SDK2: variants seen among roughly 807,000 people sequenced by gnomAD.
The protein encoded by SDK2 is sidekick cell adhesion molecule 2.
SDK2 carries 105 observed loss-of-function variants against 253.9 expected under a neutral mutation model. That is an observed-to-expected ratio of 0.41 (90% CI 0.35 to 0.49). SDK2 has a LOEUF of 0.49. Ranked by LOEUF, SDK2 falls within the 20% of genes least tolerant of loss-of-function variation. The pLI is 0.06. For synonymous variants in SDK2, 1,249 were observed against 1,234.9 expected (o/e 1.01, Z -0.24); for missense variants, 2,608 against 3,003.0 (o/e 0.87, Z 3.07).
chr17:73,376,094 G>A (rs890959999), intron 36 of SDK2, among the ~76,000 whole-genome samples: 3 of 150,504 alleles, frequency 2.0e-5, no homozygotes, highest in South Asian at 2.1e-4. Flanking sequence ...CTTGGGAGGC[G>A]GAGGAAGGAG....
chr17:73,482,405 G>C (rs1416372703), intron 2 of SDK2, among the ~76,000 whole-genome samples: 1 of 152,256 alleles, frequency 6.6e-6, no homozygotes, highest in African/African-American at 2.4e-5. Context: ...ACAAGCACCT[G>C]CTGCTGGGCG....
chr17:73,432,776 G>GTT (rs2063336894), intron 10 of SDK2, among the ~76,000 whole-genome samples: 1 of 150,142 alleles, frequency 6.7e-6, no homozygotes. Context: ...ACGTGTGTGT[G>GTT]CACATGTGTA....
chr17:73,509,154 A>G (rs892597563), intron 1 of SDK2, among the ~76,000 whole-genome samples: 1 of 151,890 alleles, frequency 6.6e-6, no homozygotes, highest in African/African-American at 2.4e-5. Context: ...GTCTACGTTC[A>G]CTCCACCGCT....
chr17:73,599,259 C>T (rs900006235), intron 1 of SDK2, among the ~76,000 whole-genome samples: 5 of 152,102 alleles, frequency 3.3e-5, no homozygotes, highest in South Asian at 2.1e-4. Context: ...GTGCTGGGCA[C>T]GGTGGCTCAC....
chr17:73,494,364 A>G (rs1025143568), intron 2 of SDK2, among the ~76,000 whole-genome samples: 3 of 151,764 alleles, frequency 2.0e-5, no homozygotes, highest in African/African-American at 7.3e-5. Flanking sequence ...ACTCTCTCAT[A>G]GCTCCTAGTT....
At position 73,372,172 on chromosome 17, in the gene SDK2, G is replaced by T. The variant is rs576431413; in HGVS notation, c.4981-3579C>A. ...CCAGGCACTCCGGCAGGTGCATCTT[G>T]TTTGTGAGCGCTGCATTCTGCGGAC... On this transcript the variant is annotated intron_variant, in intron 36 of 44. Transcript: ENST00000392650. 3.3e-5 allele frequency among the ~76,000 whole-genome samples: 5 copies of T among 152,294 alleles called. No individual in the cohort carries two copies. The South Asian group carries it at 8.3e-4, about 25-fold the overall frequency.
chr17:73,574,963 A>G (rs1328116939), intron 1 of SDK2, among the ~76,000 whole-genome samples: 5 of 152,214 alleles, frequency 3.3e-5, no homozygotes, highest in Non-Finnish European at 5.9e-5. Flanking sequence ...GACTTAGGGA[A>G]GCCATCTGTC....
chr17:73,372,974 C>T (rs553255663), intron 36 of SDK2, among the ~76,000 whole-genome samples: 14 of 152,264 alleles, frequency 9.2e-5, no homozygotes, highest in African/African-American at 3.1e-4. Context: ...AGATCTAGAT[C>T]GTATTCAGCC....
intron 1 of SDK2, among the ~76,000 whole-genome samples, chr17:73,562,666 C>A (rs1232993707): frequency 6.6e-6 from 1 of 151,864 alleles, no homozygotes; most frequent in East Asian, 1.9e-4. Flanking sequence ...GAGGATGAGA[C>A]CTGGGGCTGG....
chr17:73,406,321 G>A lies in SDK2; in HGVS notation c.2485-4180C>T, dbSNP rs190041190. 1.6e-3 allele frequency among the ~76,000 whole-genome samples: 234 copies of A among 149,550 alleles called. 1 individual carries two copies. The highest frequency in any genetic ancestry group is 5.7e-3 in the African/African-American group (231 of 40,688). On this transcript the variant is annotated intron_variant, in intron 18 of 44. Transcript: ENST00000392650. ...TGCAGTGGCGAGATCTCCGCTCACT[G>A]CAATCTCTGCCTCCCCAGTTCAAAC...
chr17:73,382,814 C>T (rs976822927), intron 33 of SDK2, among the ~76,000 whole-genome samples: 3 of 152,176 alleles, frequency 2.0e-5, no homozygotes, highest in Non-Finnish European at 4.4e-5. Context: ...GCAGCCTGGC[C>T]GACATGGTGA....
At chr17:73,466,024 A>G (rs2063594464) in intron 3 of SDK2, among the ~76,000 whole-genome samples, 1 of 152,206 alleles carries the variant, frequency 6.6e-6, no homozygotes, top group African/African-American at 2.4e-5. Flanking sequence ...AGACTGGGGT[A>G]GGGAGAGGGG....
chr17:73,508,808 C>T (rs8071556), intron 1 of SDK2, among the ~76,000 whole-genome samples: 3 of 152,030 alleles, frequency 2.0e-5, no homozygotes, highest in East Asian at 1.9e-4. Flanking sequence ...AGCCAAAACC[C>T]GGGTGGGAGG....
rs1253446620 is a variant in SDK2 at position 73,483,277 on chromosome 17, C to T, written c.225-11059G>A. ...GATGGGAGGAGAGTGGGGCGACCCGCGGACAACTCTGCACCGACACAAGAC... is the reference window on the plus strand; with the variant it reads ...GATGGGAGGAGAGTGGGGCGACCCGTGGACAACTCTGCACCGACACAAGAC... On this transcript the variant is annotated intron_variant, in intron 2 of 44. Coordinates refer to ENST00000392650, the MANE Select transcript of SDK2 (RefSeq NM_001144952.2). Among the ~76,000 whole-genome samples, 5 of 147,876 alleles carry T rather than the reference C, an allele frequency of 3.4e-5. 1 individual carries two copies. In the South Asian group the frequency reaches 6.5e-4, roughly 19 times the overall value.
At position 73,643,395 on chromosome 17, in the gene SDK2, C is replaced by T. The variant is rs1158942285; in HGVS notation, c.64+630G>A. Among the ~76,000 whole-genome samples the T allele has an allele frequency of 6.6e-6, 1 of 152,126 alleles. No individual in the cohort carries two copies. Among genetic ancestry groups the T allele is most frequent in the Non-Finnish European group, 1.5e-5 (1 of 68,008 alleles). ...GCCTCAGACCCTCCCTGTGCACCAC[C>T]CCCCGGTGGGTCCGCGGCTGCACCC... On this transcript the variant is annotated intron_variant, in intron 1 of 44. Transcript: ENST00000392650. The surrounding 1 kb of genome is among the most constrained non-coding windows in gnomAD (Gnocchi z 6.9).
chr17:73,584,833 C>T (rs1218068667), intron 1 of SDK2, among the ~76,000 whole-genome samples: 2 of 152,264 alleles, frequency 1.3e-5, no homozygotes, highest in African/African-American at 2.4e-5. Context: ...CCTGCCACCA[C>T]ATCCCTGGCC....
At chr17:73,483,696 TATATATA>T (rs2063751646) in intron 2 of SDK2, among the ~76,000 whole-genome samples, 5 of 81,488 alleles carry the variant, frequency 6.1e-5, no homozygotes, top group East Asian at 3.7e-4. Flanking sequence ...TATATATATA[TATATATA>T]TATATTTTTT....
intron 1 of SDK2, among the ~76,000 whole-genome samples, chr17:73,591,275 C>A (rs1218640305): frequency 6.6e-6 from 1 of 152,174 alleles, no homozygotes; most frequent in Admixed American, 6.5e-5. Context: ...ACTGGACCCT[C>A]CCCTGGATGT....
At chr17:73,434,972 G>A (rs577431087) in intron 9 of SDK2, among the ~76,000 whole-genome samples, 19 of 152,124 alleles carry the variant, frequency 1.2e-4, no homozygotes, top group African/African-American at 4.3e-4. Context: ...TCTGGGAAGC[G>A]GCCAGGGCAA....
Sources: allele counts gnomAD v4.1 joint callset (sites outside exome capture counted in the v4.1 genomes callset), GRCh38; gene constraint gnomAD v4.1.1; non-coding constraint Gnocchi (gnomAD v3.1); transcripts MANE v1.5; gene names NCBI Gene and HGNC (gene_info 2026-07-23, HGNC 2026-07-21).